SLC41A3: variants seen among roughly 807,000 people sequenced by gnomAD.
The protein encoded by SLC41A3 is SLC41A1-like 2.
A neutral mutation model predicts 45.4 loss-of-function variants in SLC41A3; 44 were observed. The observed-to-expected ratio is 0.97, with a 90% CI of 0.76 to 1.25. SLC41A3 has a LOEUF of 1.25. SLC41A3 is among the 50% of genes most tolerant of loss of function. SLC41A3 has a pLI of 0.00. For synonymous variants in SLC41A3, 256 were observed against 252.4 expected (o/e 1.01, Z -0.13); for missense variants, 550 against 600.6 (o/e 0.92, Z 0.88).
chr3:126,068,395 T>C (rs954868305), intron 1 of SLC41A3, 149 bp from the exon 2 acceptor site: 1 of 568,046 alleles, frequency 1.8e-6, no homozygotes, highest in South Asian at 5.4e-5. Flanking sequence ...ACCAGCCTCC[T>C]GCACCCCAAT....
At chr3:126,015,403 G>T in intron 8 of SLC41A3, 91 bp downstream of exon 8, 2 of 1,298,724 alleles carry the variant, frequency 1.5e-6, no homozygotes, top group Non-Finnish European at 1.1e-6. Flanking sequence ...CGGGGCTGGT[G>T]CTGCCCCTCT....
intron 3 of SLC41A3, among the ~76,000 whole-genome samples, chr3:126,034,133 C>T (rs890504489): frequency 6.6e-6 from 1 of 152,214 alleles, no homozygotes; most frequent in African/African-American, 2.4e-5. Flanking sequence ...CCAGGTCCCC[C>T]TGCCACCTAC....
At chr3:126,081,480 C>T (rs190266779) in intron 1 of SLC41A3, among the ~76,000 whole-genome samples, 351 of 152,222 alleles carry the variant, frequency 2.3e-3, no homozygotes, top group African/African-American at 7.5e-3. Flanking sequence ...TTTTATATTT[C>T]GGAATAGCTA....
chr3:126,068,531 TA>T (rs1196982224), intron 1 of SLC41A3, among the ~76,000 whole-genome samples: 1 of 151,956 alleles, frequency 6.6e-6, no homozygotes, highest in Non-Finnish European at 1.5e-5. Context: ...AAAAGCAATT[TA>T]AAAAAAACCC....
intron 4 of SLC41A3, among the ~76,000 whole-genome samples, chr3:126,030,294 T>C (rs1027598420): frequency 9.5e-5 from 14 of 147,772 alleles, no homozygotes; most frequent in Non-Finnish European, 1.3e-4. Flanking sequence ...ATTATATATA[T>C]ATTATACATA....
At chr3:126,090,026 ATCTTTT>A (rs1559899424) in intron 1 of SLC41A3, among the ~76,000 whole-genome samples, 1 of 104,550 alleles carries the variant, frequency 9.6e-6, no homozygotes, top group Non-Finnish European at 1.9e-5. Context: ...GGTCAAGAAA[ATCTTTT>A]TTTTTTTTTT....
Position 126,008,889 on chromosome 3 carries a change from A to C in SLC41A3, c.1106-9T>G, listed in dbSNP as rs754705860. 4 of 1,613,656 alleles carry C rather than the reference A, an allele frequency of 2.5e-6. No individual in the cohort carries two copies. Among genetic ancestry groups the C allele is most frequent in the South Asian group, 1.1e-5 (1 of 91,062 alleles). On this transcript the variant is annotated splice_polypyrimidine_tract_variant and intron_variant, in intron 9 of 10. Transcript: ENST00000360370. ...TGACATGGAATTGATTTCTGAAAGAAACAGAACCAAGAAGGTCATGTGACC... is the reference window on the plus strand; with the variant it reads ...TGACATGGAATTGATTTCTGAAAGACACAGAACCAAGAAGGTCATGTGACC...
chr3:126,079,307 A>C (rs1362777333), intron 1 of SLC41A3, among the ~76,000 whole-genome samples: 2 of 150,380 alleles, frequency 1.3e-5, no homozygotes, highest in African/African-American at 2.4e-5. Flanking sequence ...CACACACACA[A>C]TAGAAAGCAA....
At chr3:126,067,574 C>T (rs1303376220) in intron 2 of SLC41A3, 2 of 453,634 alleles carry the variant, frequency 4.4e-6, no homozygotes, top group African/African-American at 4.0e-5. Flanking sequence ...TCTTGGACTT[C>T]CAGCCTCTAG....
At chr3:126,013,122 A>C (rs911640128) in intron 8 of SLC41A3, among the ~76,000 whole-genome samples, 2 of 152,182 alleles carry the variant, frequency 1.3e-5, no homozygotes, top group African/African-American at 4.8e-5. Flanking sequence ...ATAGTGTGAT[A>C]AGGCAGTCTG....
At chr3:126,032,243 GGCCACCCAGGTGGCCA>G (rs1941851714) in intron 4 of SLC41A3, among the ~76,000 whole-genome samples, 1 of 152,208 alleles carries the variant, frequency 6.6e-6, no homozygotes, top group African/African-American at 2.4e-5. Flanking sequence ...GTTTTAGAAA[GGCCACCCAGGTGGCCA>G]GGAGGAGCTG....
At position 126,067,995 on chromosome 3, in the gene SLC41A3, A is replaced by G. The variant is rs1474704758; in HGVS notation, c.225T>C (p.Phe75=). The G allele has an allele frequency of 2.5e-6, 4 of 1,613,818 alleles. No homozygotes were observed. The highest frequency in any genetic ancestry group is 2.5e-6 in the Non-Finnish European group (3 of 1,179,936). The change falls in exon 2 of 11, where the codon TTT becomes TTC. Residue 75 remains phenylalanine (F), a synonymous_variant. Coordinates refer to ENST00000360370, the MANE Select transcript of SLC41A3 (RefSeq NM_017836.4). ...IGLQVTVPFM[F]AGLGLSWAGM... ...CGGCCCAGGACAGTCCCAGGCCTGC[A>G]AACATGAAGGGCACGGTCACCTGAA...
At position 126,016,744 on chromosome 3, in the gene SLC41A3, T is replaced by A; in HGVS notation, c.877A>T (p.Met293Leu). The change falls in exon 7 of 11, where the codon ATG becomes TTG. Residue 293 changes from methionine (M) to leucine (L), a missense_variant. Met to Leu is a conservative substitution (Grantham distance 15). Transcript: ENST00000360370. ...GCTCCTGCTCACCTGCTGATGACCA[T>A]GGCCAGGATGATTGGGAACCAGCCA... is the stretch of plus-strand genomic sequence containing the variant. Reference protein sequence around the residue: ...KFGWFPIILAMVISSFGGLIL... With the variant: ...KFGWFPIILALVISSFGGLIL... 6.2e-7 allele frequency: 1 copy of A among 1,610,280 alleles called. No homozygotes were observed. Among genetic ancestry groups the A allele is most frequent in the Non-Finnish European group, 8.5e-7 (1 of 1,178,590 alleles).
intron 1 of SLC41A3, among the ~76,000 whole-genome samples, chr3:126,071,483 A>T (rs985475477): frequency 1.3e-5 from 2 of 152,230 alleles, no homozygotes; most frequent in Non-Finnish European, 2.9e-5. Context: ...AACAATTGAT[A>T]ATACAATTTG....
intron 9 of SLC41A3, among the ~76,000 whole-genome samples, chr3:126,009,815 C>G (rs1939512124): frequency 6.6e-6 from 1 of 152,198 alleles, no homozygotes; most frequent in African/African-American, 2.4e-5. Context: ...TCAAGAAAAT[C>G]TATAGGAAAA....
chr3:126,067,963 A>C lies in SLC41A3; in HGVS notation c.257T>G (p.Leu86Arg). 6.2e-7 allele frequency: 1 copy of C among 1,605,954 alleles called. No homozygotes were observed. ...AGLGLSWAGM[L>R]LDYFQHWPVF... ...CCCTCTTACCTGGAAATAGTCCAGA[A>C]GCATGCCGGCCCAGGACAGTCCCAG... Residue 86 changes from leucine to arginine, a missense_variant, in exon 2 of 11, where the codon CTT (leucine) becomes CGT (arginine). Coordinates refer to ENST00000360370, the MANE Select transcript of SLC41A3 (RefSeq NM_017836.4).
chr3:126,087,513 T>C (rs1286768039), upstream of SLC41A3, among the ~76,000 whole-genome samples: 1 of 152,040 alleles, frequency 6.6e-6, no homozygotes, highest in Non-Finnish European at 1.5e-5. Context: ...TAAATATCTT[T>C]TTCTAATTCA....
At chr3:126,020,871 G>A (rs1395883037) in intron 6 of SLC41A3, among the ~76,000 whole-genome samples, 1 of 151,620 alleles carries the variant, frequency 6.6e-6, no homozygotes, top group Non-Finnish European at 1.5e-5. Flanking sequence ...AATCAGGTGT[G>A]TTGTTTGCTT....
chr3:126,057,630 A>AAGTGCAGACCCCAGCCTGGAGTCC, intron 2 of SLC41A3, among the ~76,000 whole-genome samples: 1 of 152,286 alleles, frequency 6.6e-6, no homozygotes, highest in East Asian at 1.9e-4. Context: ...TCCCAGGCTT[A>AAGTGCAGACCCCAGCCTGGAGTCC]AGTGCAGACC....
Sources: allele counts gnomAD v4.1 joint callset (sites outside exome capture counted in the v4.1 genomes callset), GRCh38; gene constraint gnomAD v4.1.1; transcripts MANE v1.5; gene names NCBI Gene and HGNC (gene_info 2026-07-23, HGNC 2026-07-21).